Variants in CPNE1 observed in about 807,000 individuals in gnomAD.
CPNE1 encodes the protein copine-1.
In CPNE1, 58 loss-of-function variants were observed where a neutral mutation model predicts 63.2. That is an observed-to-expected ratio of 0.92 (90% CI 0.74 to 1.14). The LOEUF (loss-of-function observed/expected upper bound fraction) is 1.14, where lower values mean the gene tolerates loss of function less well. CPNE1 is among the 50% of genes most tolerant of loss of function. The pLI is 0.00. For missense variants in CPNE1, 672 were observed against 661.7 expected, an observed-to-expected ratio of 1.02 and a Z score of -0.17; for synonymous variants, 237 against 249.0, an observed-to-expected ratio of 0.95 and a Z score of 0.45.
At chr20:35,635,098 C>G (rs1280280168) in intron 1 of CPNE1, among the ~76,000 whole-genome samples, 1 of 151,950 alleles carries the variant, frequency 6.6e-6, no homozygotes, top group Non-Finnish European at 1.5e-5. Flanking sequence ...TGTTCTTTCT[C>G]TGCATTATAT....
chr20:35,650,049 A>T (rs2033395293), intron 1 of CPNE1: 1 of 152,636 alleles, frequency 6.6e-6, no homozygotes, highest in Non-Finnish European at 1.5e-5. Flanking sequence ...CATTTTCAAG[A>T]ATTTTTTAAA....
intron 1 of CPNE1, chr20:35,651,910 C>G (rs180706362): frequency 2.0e-4 from 31 of 152,672 alleles, no homozygotes; most frequent in Middle Eastern, 3.4e-3. Context: ...ACCAACAAAA[C>G]AGTTCTGCTC....
At chr20:35,652,667 C>CT in intron 1 of CPNE1, 1 of 1,614,180 alleles carries the variant, frequency 6.2e-7, no homozygotes, top group Non-Finnish European at 8.5e-7. Flanking sequence ...TTTAAACACA[C>CT]TGAGCCTGGG....
chr20:35,653,618 C>G, intron 1 of CPNE1: 1 of 1,614,186 alleles, frequency 6.2e-7, no homozygotes, highest in Non-Finnish European at 8.5e-7. Context: ...TTTTCATCCA[C>G]TGGGATTCCT....
intron 1 of CPNE1, among the ~76,000 whole-genome samples, chr20:35,639,038 G>A (rs1029035368): frequency 5.3e-5 from 8 of 150,660 alleles, no homozygotes; most frequent in Non-Finnish European, 8.8e-5. Flanking sequence ...GTGTGCATTT[G>A]CCACTTCCAT....
intron 1 of CPNE1, chr20:35,658,802 A>ACACACACAC (rs2034058571): frequency 3.4e-5 from 16 of 473,576 alleles, no homozygotes; most frequent in Middle Eastern, 6.0e-4. Context: ...AGCAAACAAA[A>ACACACACAC]ACACACACAC....
At chr20:35,660,306 G>T (rs2034162121) in intron 1 of CPNE1, among the ~76,000 whole-genome samples, 1 of 152,048 alleles carries the variant, frequency 6.6e-6, no homozygotes, top group Non-Finnish European at 1.5e-5. Context: ...CCGCCTCCCT[G>T]GGTTCAAGCT....
chr20:35,658,822 C>T (rs2034062752), intron 1 of CPNE1: 3 of 638,390 alleles, frequency 4.7e-6, no homozygotes, highest in Non-Finnish European at 2.9e-6. Context: ...CACACACACA[C>T]ACACACACAC....
chr20:35,652,846 C>T (rs773765305), intron 1 of CPNE1: 4 of 1,610,092 alleles, frequency 2.5e-6, no homozygotes, highest in Non-Finnish European at 3.4e-6. Context: ...GGGGCCAGGC[C>T]CAAAAGCTGG....
chr20:35,657,283 CA>C (rs2033953237), intron 1 of CPNE1, among the ~76,000 whole-genome samples: 1 of 152,214 alleles, frequency 6.6e-6, no homozygotes, highest in Non-Finnish European at 1.5e-5. Context: ...TACTATTTAG[CA>C]GCCTATAAGG....
chr20:35,650,618 A>T (rs1293226323), intron 1 of CPNE1: 1 of 152,612 alleles, frequency 6.6e-6, no homozygotes, highest in East Asian at 1.9e-4. Flanking sequence ...GTCAAAGCAA[A>T]TCTGTATTCA....
intron 1 of CPNE1, chr20:35,654,586 G>A: frequency 6.2e-7 from 1 of 1,614,210 alleles, no homozygotes; most frequent in Non-Finnish European, 8.5e-7. Flanking sequence ...CGGATTCAAG[G>A]GCGGCATGCC....
In CPNE1 at chr20:35,626,737, C is replaced by T; in HGVS notation, c.1303G>A (p.Val435Met). ...ATGGGCAGGTTCGAGGCACGCACCA[C>T]AGCCTCACGTGTGGCTTCCACATCC... ...VTDVEATREA[V>M]VRASNLPMSV... Residue 435 changes from valine to methionine, a missense_variant, in exon 15 of 16, where the codon GTG (valine) becomes ATG (methionine). By Grantham distance (21) the Val-to-Met change is conservative. Transcript: ENST00000397443. 3 of 1,614,194 alleles carry T rather than the reference C, an allele frequency of 1.9e-6. No homozygotes were observed. The highest frequency in any genetic ancestry group is 2.5e-6 in the Non-Finnish European group (3 of 1,180,038).
In CPNE1 at chr20:35,652,790, CA is replaced by C. The variant is rs1262969313; in HGVS notation, c.-1+11969del. 1.2e-6 allele frequency: 2 copies of C among 1,609,692 alleles called. No individual in the cohort carries two copies. ...GGTTTTCCAGAACTAGATGCAAAGC[CA>C]GGGGGACCACCAATATGGATTGGGC... On this transcript the variant is annotated intron_variant, in intron 1 of 15. Coordinates refer to ENST00000397443, the MANE Select transcript of CPNE1 (RefSeq NM_152925.3).
intron 1 of CPNE1, among the ~76,000 whole-genome samples, chr20:35,645,515 C>T (rs1015021257): frequency 6.6e-6 from 1 of 152,180 alleles, no homozygotes; most frequent in Non-Finnish European, 1.5e-5. Flanking sequence ...GAACAGGAAC[C>T]TTATTTTGCT....
At chr20:35,661,413 TAACTA>T (rs2034224403) in intron 1 of CPNE1, among the ~76,000 whole-genome samples, 2 of 152,126 alleles carry the variant, frequency 1.3e-5, no homozygotes, top group African/African-American at 4.8e-5. Context: ...ACTAAAATAA[TAACTA>T]AACAATAAAA....
chr20:35,626,662 G>A lies in CPNE1; in HGVS notation c.1378C>T (p.Gln460Ter), dbSNP rs1442569321. ...VGGADFEAME[Q>*]LDADGGPLHT... ...AGGGGTCCACCATCAGCGTCCAGCT[G>A]CTCCATGGCCTCAAAGTCAGCACCA... The change falls in exon 15 of 16, where the codon CAG becomes TAG. Residue 460 changes from glutamine (Q) to a stop codon, truncating the protein, a stop_gained. Transcript: ENST00000397443. LOFTEE classifies it high-confidence loss of function. The A allele has an allele frequency of 6.2e-7, 1 of 1,614,148 alleles. No homozygotes were observed. The highest frequency in any genetic ancestry group is 2.2e-5 in the East Asian group (1 of 44,872).
intron 1 of CPNE1, among the ~76,000 whole-genome samples, chr20:35,655,587 A>C (rs746619648): frequency 1.1e-4 from 16 of 152,232 alleles, no homozygotes; most frequent in Non-Finnish European, 2.2e-4. Flanking sequence ...AAGACTCAAA[A>C]AGTTCAAGAA....
In CPNE1 at chr20:35,631,642, A is replaced by G. The variant is rs1350159591; in HGVS notation, c.627+46T>C. 2.5e-6 allele frequency: 4 copies of G among 1,607,074 alleles called. No homozygotes were observed. In the Admixed American group the frequency reaches 5.0e-5, roughly 20 times the overall value. ...GGCAGATGAGAATAAGTCCCTCCCCAGGTTCTCTTCTCCAGCGCAGTCCAC... is the reference window on the plus strand; with the variant it reads ...GGCAGATGAGAATAAGTCCCTCCCCGGGTTCTCTTCTCCAGCGCAGTCCAC... On this transcript the variant is annotated intron_variant, in intron 7 of 15. Coordinates refer to ENST00000397443, the MANE Select transcript of CPNE1 (RefSeq NM_152925.3).
Sources: allele counts gnomAD v4.1 joint callset (sites outside exome capture counted in the v4.1 genomes callset), GRCh38; gene constraint gnomAD v4.1.1; transcripts MANE v1.5; gene names NCBI Gene and HGNC (gene_info 2026-07-23, HGNC 2026-07-21).